Variants in SLC9A9 observed in about 807,000 individuals in gnomAD.
SLC9A9 encodes the protein sodium/hydrogen exchanger 9.
In SLC9A9, 62 loss-of-function variants were observed where a neutral mutation model predicts 77.8. That is an observed-to-expected ratio of 0.80 (90% CI 0.65 to 0.98). The LOEUF (loss-of-function observed/expected upper bound fraction) is 0.98, where lower values mean the gene tolerates loss of function less well. Ranked by LOEUF, SLC9A9 falls within the 50% of genes least tolerant of loss-of-function variation. The probability of loss-of-function intolerance (pLI) is 0.00; values close to 1 mark genes in which losing one functional copy is unlikely to be tolerated. For synonymous variants in SLC9A9, 320 were observed against 283.5 expected, an observed-to-expected ratio of 1.13 and a Z score of -1.29; for missense variants, 775 against 774.9, an observed-to-expected ratio of 1.00 and a Z score of 0.00.
At chr3:143,645,570 G>T (rs2038692366) in intron 6 of SLC9A9, among the ~76,000 whole-genome samples, 1 of 152,098 alleles carries the variant, frequency 6.6e-6, no homozygotes, top group South Asian at 2.1e-4. Flanking sequence ...CAGTTCCACG[G>T]TTGCTTGAGT....
intron 14 of SLC9A9, among the ~76,000 whole-genome samples, chr3:143,296,167 T>A (rs1486387533): frequency 6.6e-6 from 1 of 152,218 alleles, no homozygotes; most frequent in Non-Finnish European, 1.5e-5. Flanking sequence ...GTAGATTTCC[T>A]AGATACTATT....
intron 4 of SLC9A9, among the ~76,000 whole-genome samples, chr3:143,736,774 A>C (rs1393708655): frequency 2.0e-5 from 3 of 152,186 alleles, no homozygotes; most frequent in African/African-American, 7.2e-5. Flanking sequence ...ATTGGCTCAT[A>C]ATCAGTTCTT....
chr3:143,695,580 A>G (rs1312780403), intron 4 of SLC9A9, among the ~76,000 whole-genome samples: 1 of 152,098 alleles, frequency 6.6e-6, no homozygotes, highest in Non-Finnish European at 1.5e-5. Flanking sequence ...TATCCAGTCT[A>G]TCATTGGTGG....
intron 14 of SLC9A9, among the ~76,000 whole-genome samples, chr3:143,353,751 G>A (rs547128390): frequency 6.6e-6 from 1 of 152,068 alleles, no homozygotes; most frequent in South Asian, 2.1e-4. Context: ...CTTAGGAGAA[G>A]GCAGAAGACT....
At chr3:143,292,297 T>C (rs141322379) in intron 14 of SLC9A9, among the ~76,000 whole-genome samples, 70 of 152,356 alleles carry the variant, frequency 4.6e-4, no homozygotes, top group African/African-American at 1.6e-3. Context: ...AGATTTGGCA[T>C]GAAATGAATT....
chr3:143,395,354 T>C (rs958460295), intron 12 of SLC9A9, among the ~76,000 whole-genome samples: 9 of 152,226 alleles, frequency 5.9e-5, no homozygotes, highest in Non-Finnish European at 1.0e-4. Context: ...GGGAAAGGAT[T>C]CCCTATTTAA....
At position 143,574,086 on chromosome 3, in the gene SLC9A9, A is replaced by C. The variant is rs904057729; in HGVS notation, c.1000+2T>G. Reference sequence around the variant, plus strand: ...GTTGGCTGTGCAGCATGAAGCACTGACCTGTTAGGCCGGCAGCCTCGGCAG... The same window carrying C: ...GTTGGCTGTGCAGCATGAAGCACTGCCCTGTTAGGCCGGCAGCCTCGGCAG... On this transcript the variant is annotated splice_donor_variant, in intron 8 of 15. Transcript: ENST00000316549. LOFTEE classifies it high-confidence loss of function. 3.1e-6 allele frequency: 5 copies of C among 1,612,468 alleles called. No individual in the cohort carries two copies. The African/African-American group carries it at 6.7e-5, about 22-fold the overall frequency.
chr3:143,275,770 G>A (rs7641708), intron 14 of SLC9A9, among the ~76,000 whole-genome samples: 24,489 of 151,860 alleles, frequency 0.16, 4,108 homozygotes, highest in African/African-American at 0.42. Flanking sequence ...ATGTCTTTCC[G>A]GCATGTTTTC....
At chr3:143,667,803 T>G (rs1336024031) in intron 5 of SLC9A9, among the ~76,000 whole-genome samples, 1 of 152,140 alleles carries the variant, frequency 6.6e-6, no homozygotes, top group African/African-American at 2.4e-5. Flanking sequence ...ATGCCAGTTA[T>G]TATGGCGATC....
chr3:143,512,296 A>C lies in SLC9A9; in HGVS notation c.1090-16848T>G, dbSNP rs78609780. 7.7e-3 allele frequency among the ~76,000 whole-genome samples: 1,170 copies of C among 152,338 alleles called. 11 individuals are homozygous for C. The highest frequency in any genetic ancestry group is 0.027 in the African/African-American group (1,106 of 41,564). On this transcript the variant is annotated intron_variant, in intron 9 of 15. Coordinates refer to ENST00000316549, the MANE Select transcript of SLC9A9 (RefSeq NM_173653.4). ...TGAACTGAGCAATTACACTTACTAG[A>C]ATTTATCCTAAGGAAATAATGTAAC...
At chr3:143,611,613 T>A (rs1214011281) in intron 6 of SLC9A9, among the ~76,000 whole-genome samples, 1 of 152,174 alleles carries the variant, frequency 6.6e-6, no homozygotes, top group East Asian at 1.9e-4. Flanking sequence ...CAATAAAATA[T>A]GTCTTAATTA....
chr3:143,715,416 C>A (rs190415467), intron 4 of SLC9A9, among the ~76,000 whole-genome samples: 215 of 152,304 alleles, frequency 1.4e-3, no homozygotes, highest in Non-Finnish European at 4.1e-4. Context: ...ACCCTGCCCA[C>A]ATAGTCTTCA....
At position 143,317,831 on chromosome 3, in the gene SLC9A9, G is replaced by A. The variant is rs12494318; in HGVS notation, c.1604+45653C>T. Among the ~76,000 whole-genome samples the A allele has an allele frequency of 2.2e-4, 33 of 151,580 alleles. No homozygotes were observed. In the East Asian group the frequency reaches 6.2e-3, roughly 28 times the overall value. Reference sequence around the variant, plus strand: ...CAAGCTCTGCCTCCCAGGTTCATGCGATTCTCCTGCTTCAGCCTCCCGAGT... The same window carrying A: ...CAAGCTCTGCCTCCCAGGTTCATGCAATTCTCCTGCTTCAGCCTCCCGAGT... On this transcript the variant is annotated intron_variant, in intron 14 of 15. Transcript: ENST00000316549.
At chr3:143,651,889 T>C (rs1392169131) in intron 6 of SLC9A9, among the ~76,000 whole-genome samples, 1 of 152,124 alleles carries the variant, frequency 6.6e-6, no homozygotes, top group African/African-American at 2.4e-5. Flanking sequence ...AATACAAGGG[T>C]TTCTATTAGA....
chr3:143,704,995 A>ATATCTATC (rs61441328), intron 4 of SLC9A9, among the ~76,000 whole-genome samples: 13,953 of 115,846 alleles, frequency 0.12, 816 homozygotes, highest in African/African-American at 0.13. Context: ...TCCATCTCAA[A>ATATCTATC]TATCTATCTA....
intron 6 of SLC9A9, among the ~76,000 whole-genome samples, chr3:143,582,307 A>T (rs911864584): frequency 6.6e-6 from 1 of 152,206 alleles, no homozygotes; most frequent in Non-Finnish European, 1.5e-5. Flanking sequence ...AATAGTATTT[A>T]TCCCCTAGAA....
chr3:143,396,539 A>G (rs1295395981), intron 12 of SLC9A9, among the ~76,000 whole-genome samples: 2 of 152,194 alleles, frequency 1.3e-5, no homozygotes, highest in Non-Finnish European at 2.9e-5. Flanking sequence ...ACATGTATAC[A>G]TATGTAACAA....
rs923820537 is a variant in SLC9A9 at position 143,613,723 on chromosome 3, T to C, written c.756-35000A>G. Among the ~76,000 whole-genome samples the C allele has an allele frequency of 1.2e-4, 18 of 152,246 alleles. No individual in the cohort carries two copies. In the South Asian group the frequency reaches 3.7e-3, roughly 32 times the overall value. ...AGTGTCCACAGACATGCCTCTCTTT[T>C]TTTTTTTCTGAATGTCCTATTCTAT... On this transcript the variant is annotated intron_variant, in intron 6 of 15. Coordinates refer to ENST00000316549, the MANE Select transcript of SLC9A9 (RefSeq NM_173653.4).
intron 12 of SLC9A9, among the ~76,000 whole-genome samples, chr3:143,417,145 G>T (rs754064146): frequency 1.3e-5 from 2 of 152,066 alleles, no homozygotes; most frequent in Non-Finnish European, 2.9e-5. Context: ...AGAAGGGAGA[G>T]AATCTATTGC....
Sources: gnomAD v4.1 joint callset for allele counts (sites outside exome capture counted in the v4.1 genomes callset) on GRCh38, gnomAD v4.1.1 for gene constraint, MANE v1.5 for transcripts, NCBI Gene and HGNC (gene_info 2026-07-23, HGNC 2026-07-21) for gene names.